The following CYP4X1 variants were observed in gnomAD, a reference collection of about 807,000 sequenced individuals.
The protein encoded by CYP4X1 is cytochrome P450 family 4 subfamily X member 1.
A neutral mutation model predicts 57.9 loss-of-function variants in CYP4X1; 44 were observed. The observed-to-expected ratio is 0.76, with a 90% confidence interval of 0.60 to 0.98. The LOEUF is 0.98. Ranked by LOEUF, CYP4X1 falls within the 50% of genes least tolerant of loss-of-function variation. The probability of loss-of-function intolerance (pLI) is 0.00; values close to 1 mark genes in which losing one functional copy is unlikely to be tolerated. For missense variants in CYP4X1, 532 were observed against 623.9 expected (o/e 0.85, Z 1.57); for synonymous variants, 227 against 228.6 (o/e 0.99, Z 0.06).
chr1:47,039,560 G>A, intron 8 of CYP4X1, 28 bp downstream of exon 8: 2 of 1,550,022 alleles, frequency 1.3e-6, no homozygotes, highest in Non-Finnish European at 1.7e-6. Flanking sequence ...AAATTTTCCT[G>A]CTAGTTTTCC....
At chr1:47,040,948 C>T (rs1434587618) in intron 8 of CYP4X1, among the ~76,000 whole-genome samples, 2 of 151,992 alleles carry the variant, frequency 1.3e-5, no homozygotes, top group East Asian at 3.9e-4. Context: ...CCCTGTAATC[C>T]CCCATTCTCC....
the CYP4X1 span, among the ~76,000 whole-genome samples, chr1:46,998,916 T>C: frequency 1.3e-5 from 2 of 152,174 alleles, no homozygotes; most frequent in African/African-American, 4.8e-5. Context: ...CTCTATTCTG[T>C]CCCATTGATC....
At chr1:47,037,554 G>A (rs959112496) in intron 6 of CYP4X1, among the ~76,000 whole-genome samples, 1 of 152,030 alleles carries the variant, frequency 6.6e-6, no homozygotes, top group East Asian at 1.9e-4. Flanking sequence ...TCAACCCTCA[G>A]CACTAATGGC....
chr1:46,961,892 G>C, the CYP4X1 span: 2 of 732,738 alleles, frequency 2.7e-6, no homozygotes, highest in Non-Finnish European at 3.8e-6. Flanking sequence ...AGGTTCAGTT[G>C]CTTTTTGGGG....
At chr1:47,023,612 G>A (rs1421756672), upstream of CYP4X1, 1 of 1,328,468 alleles carries the variant, frequency 7.5e-7, no homozygotes, top group Non-Finnish European at 9.6e-7. Context: ...TTGGTAACCG[G>A]CTAGAAATCC....
Position 47,023,819 on chromosome 1 carries a change from TGGAATTCTCCTGGCTG to T in CYP4X1, c.4_19del (p.Glu2_?7). The T allele has an allele frequency of 6.2e-7, 1 of 1,612,666 alleles. No homozygotes were observed. The highest frequency in any genetic ancestry group is 8.5e-7 in the Non-Finnish European group (1 of 1,179,806). The stretch of plus-strand genomic sequence containing the variant: ...CGGCGTTCGGCGCTGCGCAGAGCCA[TGGAATTCTCCTGGCTG>T]GAGACGCGCTGGGCGCGGCCCTTTT... On this transcript the variant is annotated frameshift_variant and start_lost, in exon 1 of 12. Coordinates refer to ENST00000371901, the MANE Select transcript of CYP4X1 (RefSeq NM_178033.2). LOFTEE classifies it high-confidence loss of function.
chr1:47,031,671 CT>C (rs1226423487), intron 3 of CYP4X1, among the ~76,000 whole-genome samples, 191 bp downstream of exon 3: 1 of 152,150 alleles, frequency 6.6e-6, no homozygotes, highest in Non-Finnish European at 1.5e-5. Context: ...TCCCAGAAAG[CT>C]TCTTCATCCG....
chr1:47,031,197 G>A (rs560583581), intron 2 of CYP4X1, among the ~76,000 whole-genome samples: 1 of 152,352 alleles, frequency 6.6e-6, no homozygotes, highest in South Asian at 2.1e-4. Flanking sequence ...GTGTAAACAA[G>A]GGAATAATCA....
the CYP4X1 span, among the ~76,000 whole-genome samples, chr1:47,010,089 C>T: frequency 6.6e-6 from 1 of 152,052 alleles, no homozygotes; most frequent in Non-Finnish European, 1.5e-5. Flanking sequence ...GATACCAAAG[C>T]CTGGCAGAGA....
intron 1 of CYP4X1, among the ~76,000 whole-genome samples, chr1:47,025,880 G>A (rs994957209): frequency 1.3e-5 from 2 of 152,132 alleles, no homozygotes; most frequent in African/African-American, 4.8e-5. Context: ...ACTCCCCATT[G>A]ATGCTATCCT....
At chr1:47,040,145 A>G (rs930530852) in intron 8 of CYP4X1, among the ~76,000 whole-genome samples, 1 of 152,114 alleles carries the variant, frequency 6.6e-6, no homozygotes, top group Admixed American at 6.6e-5. Flanking sequence ...CAGACCTCCA[A>G]ATTGCAGTGT....
At chr1:46,983,420 G>C in the CYP4X1 span, among the ~76,000 whole-genome samples, 1 of 152,234 alleles carries the variant, frequency 6.6e-6, no homozygotes, top group Non-Finnish European at 1.5e-5. Flanking sequence ...AAAATGATCA[G>C]GGTCTTTGTT....
intron 10 of CYP4X1, 28 bp downstream of exon 10, chr1:47,048,657 T>C (rs554258452): frequency 7.9e-5 from 126 of 1,594,656 alleles, no homozygotes; most frequent in South Asian, 7.5e-4. Context: ...ACATAAATAC[T>C]TCCAAGAACT....
At chr1:46,969,698 A>G in the CYP4X1 span, among the ~76,000 whole-genome samples, 4 of 152,214 alleles carry the variant, frequency 2.6e-5, no homozygotes, top group African/African-American at 9.6e-5. Context: ...TTCAACAGCT[A>G]TATTATGTGT....
chr1:47,009,202 C>T, the CYP4X1 span, among the ~76,000 whole-genome samples: 5 of 152,196 alleles, frequency 3.3e-5, no homozygotes, highest in African/African-American at 1.2e-4. Flanking sequence ...GAAATTATAA[C>T]AAACTGTCTC....
chr1:47,029,679 G>A (rs971496033), intron 1 of CYP4X1, among the ~76,000 whole-genome samples: 5 of 152,180 alleles, frequency 3.3e-5, no homozygotes, highest in African/African-American at 1.2e-4. Context: ...GTGTGATGTT[G>A]GCAAGTGAGG....
chr1:46,966,240 C>T, the CYP4X1 span, among the ~76,000 whole-genome samples: 813 of 152,262 alleles, frequency 5.3e-3, 7 homozygotes, highest in African/African-American at 0.019. Flanking sequence ...GTGCTTGGCT[C>T]GCCGGATTCA....
At chr1:46,999,736 C>T in the CYP4X1 span, among the ~76,000 whole-genome samples, 1 of 141,438 alleles carries the variant, frequency 7.1e-6, no homozygotes. Context: ...AATTTGTGGG[C>T]TGTCTTTTAA....
chr1:47,037,649 T>C (rs1482194977), intron 6 of CYP4X1, among the ~76,000 whole-genome samples: 2 of 152,162 alleles, frequency 1.3e-5, no homozygotes, highest in East Asian at 3.8e-4. Flanking sequence ...CCACTCGATG[T>C]AGTAGAGCTC....
Sources: gnomAD v4.1 joint callset for allele counts (sites outside exome capture counted in the v4.1 genomes callset) on GRCh38, gnomAD v4.1.1 for gene constraint, MANE v1.5 for transcripts, NCBI Gene and HGNC (gene_info 2026-07-23, HGNC 2026-07-21) for gene names.